The following GRM7 variants were observed in gnomAD, a reference collection of about 807,000 sequenced individuals.
GRM7 encodes the protein metabotropic glutamate receptor 7.
Under a neutral mutation model 84.5 loss-of-function variants are expected in GRM7, and 35 were observed. The ratio of observed to expected loss-of-function variants is 0.41; its 90% CI spans 0.32 to 0.55. The LOEUF (loss-of-function observed/expected upper bound fraction) is 0.55. GRM7 is among the 20% of genes least tolerant of loss of function. The pLI, the probability that GRM7 is intolerant of heterozygous loss-of-function variation, is 0.19. For missense variants in GRM7, 1,003 were observed against 1,194.6 expected (o/e 0.84, Z 2.36); for synonymous variants, 487 against 455.1 (o/e 1.07, Z -0.89).
Position 7,386,613 on chromosome 3 carries a change from C to T in GRM7, c.1034-28410C>T, listed in dbSNP as rs777593610. On this transcript the variant is annotated intron_variant, in intron 4 of 9. Transcript: ENST00000357716. ...CTGCAAAGGACATGATTTCATTCTTCTTTATGGCTACATAGTATTCCATGG... is the reference window on the plus strand; with the variant it reads ...CTGCAAAGGACATGATTTCATTCTTTTTTATGGCTACATAGTATTCCATGG... Among the ~76,000 whole-genome samples the T allele has an allele frequency of 3.3e-5, 5 of 152,216 alleles. No homozygotes were observed. In the South Asian group the frequency reaches 6.2e-4, roughly 19 times the overall value.
At chr3:7,435,606 G>A (rs991624172) in intron 5 of GRM7, among the ~76,000 whole-genome samples, 6 of 151,290 alleles carry the variant, frequency 4.0e-5, no homozygotes, top group South Asian at 2.1e-4. Context: ...TCAGCCTCCC[G>A]GCTCCAAGAA....
chr3:7,658,767 C>T (rs1699310470), intron 8 of GRM7, among the ~76,000 whole-genome samples: 1 of 152,198 alleles, frequency 6.6e-6, no homozygotes, highest in Non-Finnish European at 1.5e-5. Flanking sequence ...CAGATAGTGA[C>T]TATAAATGCA....
At chr3:7,296,211 A>T (rs1335087701) in intron 2 of GRM7, among the ~76,000 whole-genome samples, 8 of 152,084 alleles carry the variant, frequency 5.3e-5, no homozygotes, top group Non-Finnish European at 1.2e-4. Flanking sequence ...TCAAATAATA[A>T]ATTAGCCTTT....
intron 8 of GRM7, among the ~76,000 whole-genome samples, chr3:7,609,016 G>C (rs1019804877): frequency 1.1e-4 from 16 of 152,154 alleles, no homozygotes; most frequent in African/African-American, 3.6e-4. Flanking sequence ...TCAAAGATTA[G>C]ATGGTCATAC....
intron 1 of GRM7, among the ~76,000 whole-genome samples, chr3:6,955,944 C>G (rs1575064712): frequency 6.6e-6 from 1 of 151,944 alleles, no homozygotes; most frequent in South Asian, 2.1e-4. Flanking sequence ...ATTTCTGAAA[C>G]ACATTGTATA....
At chr3:7,535,634 G>A (rs1270371397) in intron 7 of GRM7, among the ~76,000 whole-genome samples, 1 of 152,218 alleles carries the variant, frequency 6.6e-6, no homozygotes, top group African/African-American at 2.4e-5. Flanking sequence ...TCCCTTCATA[G>A]TAAGAGTCTC....
chr3:7,391,845 T>G (rs1380119267), intron 4 of GRM7, among the ~76,000 whole-genome samples: 1 of 151,878 alleles, frequency 6.6e-6, no homozygotes, highest in Admixed American at 6.5e-5. Flanking sequence ...CAGAGCATGT[T>G]TGCCTTCAGT....
At chr3:6,877,251 T>C (rs1190431340) in intron 1 of GRM7, among the ~76,000 whole-genome samples, 1 of 152,082 alleles carries the variant, frequency 6.6e-6, no homozygotes, top group Non-Finnish European at 1.5e-5. Context: ...CGGAGGGGTT[T>C]GATGCAGGGA....
chr3:7,430,256 C>G (rs190961041), intron 5 of GRM7, among the ~76,000 whole-genome samples: 21 of 152,278 alleles, frequency 1.4e-4, no homozygotes, highest in Admixed American at 1.2e-3. Flanking sequence ...ATTCCTGTGG[C>G]CTTCTGAACT....
At chr3:6,959,152 C>T (rs1489285772) in intron 1 of GRM7, among the ~76,000 whole-genome samples, 1 of 152,172 alleles carries the variant, frequency 6.6e-6, no homozygotes, top group African/African-American at 2.4e-5. Context: ...GATCTCATTT[C>T]ATTCACATAA....
intron 5 of GRM7, among the ~76,000 whole-genome samples, chr3:7,416,190 T>C (rs540456834): frequency 1.3e-5 from 2 of 152,046 alleles, no homozygotes; most frequent in East Asian, 3.9e-4. Context: ...AGAGAGATGG[T>C]CCAGAACTAA....
At chr3:7,195,956 T>C (rs1695864654) in intron 2 of GRM7, among the ~76,000 whole-genome samples, 1 of 152,182 alleles carries the variant, frequency 6.6e-6, no homozygotes, top group Non-Finnish European at 1.5e-5. Flanking sequence ...GATATAAAGA[T>C]AAATATACAG....
At chr3:7,478,916 C>A (rs951691063) in intron 7 of GRM7, among the ~76,000 whole-genome samples, 2 of 152,110 alleles carry the variant, frequency 1.3e-5, no homozygotes, top group Non-Finnish European at 2.9e-5. Flanking sequence ...TATGCAGTGT[C>A]CCCAGAGCAC....
At chr3:7,352,059 A>AC (rs1553565367) in intron 4 of GRM7, among the ~76,000 whole-genome samples, 1 of 70,322 alleles carries the variant, frequency 1.4e-5, no homozygotes, top group Non-Finnish European at 3.6e-5. Flanking sequence ...CACACACACC[A>AC]CACACACACA....
intron 1 of GRM7, among the ~76,000 whole-genome samples, chr3:6,983,773 A>G (rs1418413838): frequency 2.0e-5 from 3 of 151,626 alleles, no homozygotes; most frequent in African/African-American, 4.8e-5. Context: ...TTTTTTTTCT[A>G]CAATCCAACC....
chr3:7,556,401 T>A (rs907869312), intron 7 of GRM7, among the ~76,000 whole-genome samples: 4 of 152,186 alleles, frequency 2.6e-5, no homozygotes, highest in Non-Finnish European at 4.4e-5. Context: ...TAAGAGATAT[T>A]ATTACATCTC....
intron 2 of GRM7, among the ~76,000 whole-genome samples, chr3:7,181,697 C>T (rs1393778578): frequency 2.0e-5 from 3 of 152,090 alleles, no homozygotes; most frequent in Non-Finnish European, 2.9e-5. Context: ...CAGCCCTGAC[C>T]TCCCGGGCTC....
At chr3:7,724,685 T>A (rs568815139) in intron 9 of GRM7, among the ~76,000 whole-genome samples, 1 of 152,318 alleles carries the variant, frequency 6.6e-6, no homozygotes, top group South Asian at 2.1e-4. Flanking sequence ...GAACGTTGAG[T>A]TGGGGCCTGT....
chr3:7,734,106 A>G (rs1313792577), intron 9 of GRM7, among the ~76,000 whole-genome samples: 1 of 152,200 alleles, frequency 6.6e-6, no homozygotes, highest in East Asian at 1.9e-4. Context: ...CTCTAAGGTT[A>G]TCTAGGCTGA....
Sources: allele counts gnomAD v4.1 joint callset (sites outside exome capture counted in the v4.1 genomes callset), GRCh38; gene constraint gnomAD v4.1.1; transcripts MANE v1.5; gene names NCBI Gene and HGNC (gene_info 2026-07-23, HGNC 2026-07-21).